Variants in RARB observed in about 807,000 individuals in gnomAD.
The protein encoded by RARB is HBV-activated protein.
RARB carries 17 observed loss-of-function variants against 51.9 expected under a neutral mutation model. The ratio of observed to expected loss-of-function variants is 0.33; its 90% CI spans 0.22 to 0.49. The LOEUF (loss-of-function observed/expected upper bound fraction) is 0.49, where lower values mean the gene tolerates loss of function less well. Among genes scored for constraint, RARB ranks in the 20% least tolerant of loss-of-function variants. RARB has a pLI of 0.99. For synonymous variants in RARB, 215 were observed against 195.4 expected, an observed-to-expected ratio of 1.10 and a Z score of -0.84; for missense variants, 369 against 550.8, an observed-to-expected ratio of 0.67 and a Z score of 3.30.
intron 3 of RARB, among the ~76,000 whole-genome samples, chr3:25,127,847 T>C (rs1004182732): frequency 2.0e-5 from 3 of 152,124 alleles, no homozygotes; most frequent in Non-Finnish European, 4.4e-5. Flanking sequence ...TATATACATA[T>C]ATTTTTACGA....
chr3:25,361,545 T>G (rs959302251), intron 5 of RARB, among the ~76,000 whole-genome samples: 2 of 152,222 alleles, frequency 1.3e-5, no homozygotes, highest in Non-Finnish European at 2.9e-5. Flanking sequence ...TTGTGATCCT[T>G]TGGAGGAGAG....
chr3:25,254,475 G>GA (rs1281835604), intron 5 of RARB, among the ~76,000 whole-genome samples: 1 of 152,030 alleles, frequency 6.6e-6, no homozygotes, highest in African/African-American at 2.4e-5. Context: ...TTACATAGCT[G>GA]AAAAATGCAT....
intron 2 of RARB, among the ~76,000 whole-genome samples, chr3:24,961,447 A>G (rs1696136911): frequency 6.6e-6 from 1 of 152,258 alleles, no homozygotes; most frequent in South Asian, 2.1e-4. Context: ...GATAAATCAC[A>G]TTACAATTGG....
chr3:24,905,402 A>G (rs1381885206), intron 2 of RARB, among the ~76,000 whole-genome samples: 1 of 152,206 alleles, frequency 6.6e-6, no homozygotes, highest in Non-Finnish European at 1.5e-5. Flanking sequence ...TACTTGACAC[A>G]TCTGACCACA....
chr3:24,944,827 A>G (rs1695740004), intron 2 of RARB, among the ~76,000 whole-genome samples: 1 of 152,244 alleles, frequency 6.6e-6, no homozygotes, highest in South Asian at 2.1e-4. Context: ...AACCAGTGTT[A>G]CTTCAATGAT....
intron 5 of RARB, among the ~76,000 whole-genome samples, chr3:25,209,422 C>T (rs745428148): frequency 2.4e-4 from 37 of 152,162 alleles, no homozygotes; most frequent in Non-Finnish European, 4.7e-4. Flanking sequence ...TGATGAAGTC[C>T]TGTAGTCATG....
chr3:24,981,805 A>T (rs923341192), intron 2 of RARB, among the ~76,000 whole-genome samples: 1 of 152,180 alleles, frequency 6.6e-6, no homozygotes, highest in Non-Finnish European at 1.5e-5. Flanking sequence ...CTGTCCAACC[A>T]GTCCCCACGA....
intron 5 of RARB, among the ~76,000 whole-genome samples, chr3:25,220,961 G>A (rs1027819819): frequency 3.3e-5 from 5 of 151,904 alleles, no homozygotes; most frequent in Admixed American, 2.6e-4. Flanking sequence ...GTAAAGCAAT[G>A]GATTATGTAT....
At chr3:24,957,173 A>G (rs946635462) in intron 2 of RARB, among the ~76,000 whole-genome samples, 2 of 152,160 alleles carry the variant, frequency 1.3e-5, no homozygotes, top group African/African-American at 4.8e-5. Context: ...TCACTTCTGA[A>G]GTGGAATCTG....
chr3:25,356,316 G>A (rs184353060), intron 5 of RARB, among the ~76,000 whole-genome samples: 129 of 151,600 alleles, frequency 8.5e-4, no homozygotes, highest in Non-Finnish European at 1.4e-3. Flanking sequence ...AACTATAGGA[G>A]GGAAAAAAAG....
chr3:25,251,776 T>C (rs1265777572), intron 5 of RARB, among the ~76,000 whole-genome samples: 1 of 151,432 alleles, frequency 6.6e-6, no homozygotes, highest in Admixed American at 6.6e-5. Flanking sequence ...TTATCAGACG[T>C]ATGATTCGCA....
intron 3 of RARB, among the ~76,000 whole-genome samples, chr3:25,098,936 C>T (rs1699349251): frequency 6.6e-6 from 1 of 152,114 alleles, no homozygotes; most frequent in Non-Finnish European, 1.5e-5. Flanking sequence ...GAATGTTTTC[C>T]TCTAAGATAT....
intron 4 of RARB, among the ~76,000 whole-genome samples, chr3:25,141,872 G>A (rs886359084): frequency 3.9e-5 from 6 of 152,052 alleles, no homozygotes; most frequent in Non-Finnish European, 8.8e-5. Flanking sequence ...ATGAAAATCA[G>A]GTCAGTAGGA....
chr3:24,845,353 G>A (rs1226594503), intron 1 of RARB, among the ~76,000 whole-genome samples: 1 of 152,174 alleles, frequency 6.6e-6, no homozygotes, highest in African/African-American at 2.4e-5. Context: ...CTAGGAAGGA[G>A]CAGTAGGTAA....
chr3:25,435,341 AC>A lies in RARB; in HGVS notation c.157+6454del, dbSNP rs111577413. The stretch of plus-strand genomic sequence containing the variant: ...TAACTAGGGAGAGAAGATCTGGATC[AC>A]ATCCCAATTTTTTTCCCATTTCCAG... On this transcript the variant is annotated intron_variant, in intron 1 of 7. Coordinates refer to ENST00000330688, the MANE Select transcript of RARB (RefSeq NM_000965.5). Among the ~76,000 whole-genome samples the A allele has an allele frequency of 3.3e-3, 504 of 152,362 alleles. 6 individuals are homozygous for A. Among genetic ancestry groups the A allele is most frequent in the African/African-American group, 0.011 (474 of 41,586 alleles).
intron 5 of RARB, among the ~76,000 whole-genome samples, chr3:25,278,490 G>GA (rs1703445327): frequency 6.6e-6 from 1 of 152,090 alleles, no homozygotes; most frequent in African/African-American, 2.4e-5. Flanking sequence ...TCTAGGTCAA[G>GA]GTACATAGGT....
chr3:25,388,207 C>A (rs116318807), intron 5 of RARB, among the ~76,000 whole-genome samples: 3 of 152,172 alleles, frequency 2.0e-5, no homozygotes, highest in Non-Finnish European at 4.4e-5. Context: ...TTATTACATA[C>A]AGCATTGCAT....
At chr3:25,019,946 G>C (rs946402505) in intron 2 of RARB, among the ~76,000 whole-genome samples, 4 of 151,850 alleles carry the variant, frequency 2.6e-5, no homozygotes, top group African/African-American at 9.7e-5. Context: ...CTTAACCCTG[G>C]GGAAACAGAT....
intron 1 of RARB, among the ~76,000 whole-genome samples, chr3:24,835,371 C>T (rs1002816984): frequency 6.6e-6 from 1 of 152,138 alleles, no homozygotes; most frequent in African/African-American, 2.4e-5. Context: ...GGTAGCAAGC[C>T]AAGCAAATAA....
Sources: gnomAD v4.1 joint callset for allele counts (sites outside exome capture counted in the v4.1 genomes callset) on GRCh38, gnomAD v4.1.1 for gene constraint, MANE v1.5 for transcripts, NCBI Gene and HGNC (gene_info 2026-07-23, HGNC 2026-07-21) for gene names.